The following CAPN13 variants were observed in gnomAD, a reference collection of about 807,000 sequenced individuals.
CAPN13 encodes calpain-13.
In CAPN13, 90 loss-of-function variants were observed where a neutral mutation model predicts 98.4. The observed-to-expected ratio is 0.92, with a 90% CI of 0.77 to 1.09. The LOEUF (loss-of-function observed/expected upper bound fraction) is 1.09, where lower values mean the gene tolerates loss of function less well. Ranked by LOEUF, CAPN13 falls within the 50% of genes least tolerant of loss-of-function variation. CAPN13 has a pLI of 0.00. For missense variants in CAPN13, 887 were observed against 841.3 expected (o/e 1.05, Z -0.67); for synonymous variants, 330 against 305.5 (o/e 1.08, Z -0.84).
intron 9 of CAPN13, among the ~76,000 whole-genome samples, chr2:30,753,453 A>T (rs1158126740): frequency 1.3e-5 from 2 of 152,046 alleles, no homozygotes; most frequent in Non-Finnish European, 2.9e-5. Context: ...CATCTCCTTA[A>T]CCCATTGATC....
chr2:30,779,452 G>A (rs1673876948), intron 2 of CAPN13, among the ~76,000 whole-genome samples: 1 of 152,176 alleles, frequency 6.6e-6, no homozygotes, highest in African/African-American at 2.4e-5. Context: ...CTGAGGGCGG[G>A]TACCTTGGGT....
At chr2:30,759,027 CTTCCCTCCCTCCCT>C (rs1672653123) in intron 7 of CAPN13, among the ~76,000 whole-genome samples, 1 of 61,328 alleles carries the variant, frequency 1.6e-5, no homozygotes. Context: ...CCTATTCTTC[CTTCCCTCCCTCCCT>C]CCTTCCTTCC....
intron 12 of CAPN13, 71 bp downstream of exon 12, chr2:30,745,652 T>A (rs1671870457): frequency 1.3e-6 from 2 of 1,533,328 alleles, no homozygotes; most frequent in Non-Finnish European, 1.8e-6. Flanking sequence ...GCCATGGGCG[T>A]TGGAAGTGGC....
intron 15 of CAPN13, 97 bp from the exon 16 acceptor site, chr2:30,738,554 C>G: frequency 7.7e-7 from 1 of 1,300,500 alleles, no homozygotes; most frequent in Non-Finnish European, 1.1e-6. Context: ...TTTCCAAGCA[C>G]TTAGTCCCCA....
intron 13 of CAPN13, among the ~76,000 whole-genome samples, chr2:30,742,950 T>C (rs541233727): frequency 6.6e-6 from 1 of 152,318 alleles, no homozygotes; most frequent in African/African-American, 2.4e-5. Flanking sequence ...TGGATGCCGA[T>C]GCTACTTACT....
At chr2:30,793,393 G>T (rs890784954) in intron 1 of CAPN13, among the ~76,000 whole-genome samples, 8 of 151,514 alleles carry the variant, frequency 5.3e-5, no homozygotes, top group African/African-American at 1.7e-4. Context: ...AGACATTAAA[G>T]ATATCTACAT....
At chr2:30,756,992 C>G (rs17010192) in intron 8 of CAPN13, among the ~76,000 whole-genome samples, 12,735 of 152,266 alleles carry the variant, frequency 0.084, 824 homozygotes, top group East Asian at 0.24. Flanking sequence ...ACAGCTTAGC[C>G]TGGGGCATCA....
intron 15 of CAPN13, among the ~76,000 whole-genome samples, chr2:30,739,445 G>A (rs189383384): frequency 2.0e-5 from 3 of 152,116 alleles, no homozygotes; most frequent in Admixed American, 2.0e-4. Flanking sequence ...CTGTCCAGAT[G>A]GGGTCCTCAC....
chr2:30,742,388 G>A (rs1272301404), intron 13 of CAPN13, 29 bp from the exon 14 acceptor site: 1 of 1,597,294 alleles, frequency 6.3e-7, no homozygotes, highest in African/African-American at 1.3e-5. Context: ...GTGTGACAAA[G>A]ATGACCAGCT....
intron 1 of CAPN13, among the ~76,000 whole-genome samples, chr2:30,791,946 C>T (rs1038320394): frequency 1.3e-5 from 2 of 152,188 alleles, no homozygotes; most frequent in African/African-American, 4.8e-5. Flanking sequence ...TAAATTACAT[C>T]TGCCCAGAAA....
intron 12 of CAPN13, among the ~76,000 whole-genome samples, chr2:30,745,011 C>A (rs574627160): frequency 6.6e-6 from 1 of 152,302 alleles, no homozygotes; most frequent in African/African-American, 2.4e-5. Flanking sequence ...CCACCACTGT[C>A]ACAGGCAGGC....
intron 7 of CAPN13, among the ~76,000 whole-genome samples, chr2:30,762,246 T>C (rs1385966176): frequency 6.6e-6 from 1 of 152,244 alleles, no homozygotes; most frequent in African/African-American, 2.4e-5. Context: ...GAGAAGGTTG[T>C]GCTTCAGTAG....
chr2:30,766,717 G>C (rs1017341757), intron 5 of CAPN13, among the ~76,000 whole-genome samples: 1 of 152,216 alleles, frequency 6.6e-6, no homozygotes, highest in African/African-American at 2.4e-5. Context: ...AATTCAGATA[G>C]AGCCAGAGAA....
intron 1 of CAPN13, among the ~76,000 whole-genome samples, chr2:30,800,770 C>T (rs936276713): frequency 6.6e-6 from 1 of 152,148 alleles, no homozygotes; most frequent in African/African-American, 2.4e-5. Flanking sequence ...AGAAACTTGT[C>T]TTTGCATGGA....
At chr2:30,755,841 G>A (rs959847271) in intron 8 of CAPN13, among the ~76,000 whole-genome samples, 3 of 152,138 alleles carry the variant, frequency 2.0e-5, no homozygotes, top group Admixed American at 6.5e-5. Context: ...GAGAATAAAT[G>A]TAGTGTAGAT....
At position 30,723,140 on chromosome 2, in the gene CAPN13, A is replaced by G. The variant is rs1283147498; in HGVS notation, c.*127T>C. ...TGGGAGACAGCTTGGACTCTGTTTC[A>G]TGCAGGGCTGGTTTAGATTTATCAC... On this transcript the variant is annotated 3_prime_UTR_variant, in exon 23 of 23. Transcript: ENST00000295055. 1 of 152,258 alleles carries G rather than the reference A, an allele frequency of 6.6e-6. No homozygotes were observed. Among genetic ancestry groups the G allele is most frequent in the Admixed American group, 6.5e-5 (1 of 15,288 alleles). The allele number at this position is 152,258 out of a possible 1,614,324, so 9.4% of individuals were successfully genotyped here.
In CAPN13 at chr2:30,753,207, A is replaced by C. The variant is rs1298400351; in HGVS notation, c.942-9T>G. On this transcript the variant is annotated splice_polypyrimidine_tract_variant and intron_variant, in intron 9 of 22. Transcript: ENST00000295055. Reference sequence around the variant, plus strand: ...AATCTTGACACGACATCCTGTTAAAAACAGATATACATCACTCAGTGACCA... The same window carrying C: ...AATCTTGACACGACATCCTGTTAAACACAGATATACATCACTCAGTGACCA... The C allele has an allele frequency of 6.2e-7, 1 of 1,613,814 alleles. No individual in the cohort carries two copies. Among genetic ancestry groups the C allele is most frequent in the Non-Finnish European group, 8.5e-7 (1 of 1,179,836 alleles).
At chr2:30,759,796 G>C (rs1415580110) in intron 7 of CAPN13, among the ~76,000 whole-genome samples, 2 of 152,172 alleles carry the variant, frequency 1.3e-5, no homozygotes, top group Non-Finnish European at 2.9e-5. Flanking sequence ...GTTCGTTCTT[G>C]GATGTGGCTG....
chr2:30,728,597 A>G (rs1670943429), intron 22 of CAPN13, among the ~76,000 whole-genome samples: 1 of 152,224 alleles, frequency 6.6e-6, no homozygotes, highest in African/African-American at 2.4e-5. Flanking sequence ...CAGGAAAAAG[A>G]GGGACAAGTT....
Sources: gnomAD v4.1 joint callset for allele counts (sites outside exome capture counted in the v4.1 genomes callset) on GRCh38, gnomAD v4.1.1 for gene constraint, MANE v1.5 for transcripts, NCBI Gene and HGNC (gene_info 2026-07-23, HGNC 2026-07-21) for gene names.